Variants in ASAH2 observed in about 807,000 individuals in gnomAD.
ASAH2 encodes neutral ceramidase.
Under a neutral mutation model 82.9 loss-of-function variants are expected in ASAH2, and 58 were observed. The ratio of observed to expected loss-of-function variants is 0.70; its 90% CI spans 0.57 to 0.87. ASAH2 has a LOEUF of 0.87. Among genes scored for constraint, ASAH2 ranks in the 40% least tolerant of loss-of-function variants. ASAH2 has a pLI of 0.00. For synonymous variants in ASAH2, 276 were observed against 289.7 expected, an observed-to-expected ratio of 0.95 and a Z score of 0.48; for missense variants, 779 against 834.0, an observed-to-expected ratio of 0.93 and a Z score of 0.81.
chr10:50,245,304 G>A lies in ASAH2; in HGVS notation c.278C>T (p.Ser93Phe). 1.9e-6 allele frequency: 3 copies of A among 1,614,066 alleles called. No homozygotes were observed. The highest frequency in any genetic ancestry group is 2.5e-6 in the Non-Finnish European group (3 of 1,180,002). Residue 93 changes from serine (S) to phenylalanine (F), a missense_variant, in exon 3 of 21, where the codon TCT becomes TTT. Around this residue, in one of 3 missense-constraint regions of ASAH2, gnomAD observed 759 missense variants for 755.2 expected, o/e 1.00. Transcript: ENST00000682911. ...GCCACTGAAGTTCTGAAATAGAGGAGACTCTGGGGTTAAAGGCACTGGAGA... is the reference window on the plus strand; with the variant it reads ...GCCACTGAAGTTCTGAAATAGAGGAAACTCTGGGGTTAAAGGCACTGGAGA... ...QTSPVPLTPE[S>F]PLFQNFSGYH...
At chr10:50,200,127 C>T (rs1422941982) in intron 16 of ASAH2, among the ~76,000 whole-genome samples, 1 of 151,808 alleles carries the variant, frequency 6.6e-6, no homozygotes, top group Non-Finnish European at 1.5e-5. Context: ...ATCTTAATTA[C>T]ACTATGGCTT....
rs956053553 is a variant in ASAH2 at position 50,245,134 on chromosome 10, T to C, written c.360+88A>G. On this transcript the variant is annotated intron_variant, in intron 3 of 20. Coordinates refer to ENST00000682911, the MANE Select transcript of ASAH2 (RefSeq NM_019893.4). ...AAAAGCTAAAAGAAGATAATGATGA[T>C]GTTGTAATAATCAGAAATGAATGCA... 7 of 1,097,984 alleles carry C rather than the reference T, an allele frequency of 6.4e-6. No individual in the cohort carries two copies. The African/African-American group carries it at 9.4e-5, about 15-fold the overall frequency. 68.0% of individuals were successfully genotyped at this position (1,097,984 alleles called of 1,614,324 possible). A position where few individuals can be genotyped will look rare whatever the true frequency, so the allele number is the denominator to read the frequency against.
At chr10:50,237,513 G>A (rs1435625562) in intron 4 of ASAH2, among the ~76,000 whole-genome samples, 1 of 152,178 alleles carries the variant, frequency 6.6e-6, no homozygotes, top group Non-Finnish European at 1.5e-5. Context: ...ACACACAGAA[G>A]CCTTGAACAA....
At chr10:50,239,375 A>G (rs1017125206) in intron 4 of ASAH2, among the ~76,000 whole-genome samples, 1 of 152,288 alleles carries the variant, frequency 6.6e-6, no homozygotes, top group African/African-American at 2.4e-5. Flanking sequence ...ATGTAAAAAT[A>G]GGAAGAGATA....
chr10:50,204,809 C>T lies in ASAH2; in HGVS notation c.1625+52G>A, dbSNP rs1237713940. On this transcript the variant is annotated intron_variant, in intron 14 of 20. Coordinates refer to ENST00000682911, the MANE Select transcript of ASAH2 (RefSeq NM_019893.4). ...TTTTCATGATAAGAAGCAATTCCAA[C>T]AGAACATACAACAAACACATTTTTA... 4 of 1,333,762 alleles carry T rather than the reference C, an allele frequency of 3.0e-6. No individual in the cohort carries two copies. In the African/African-American group the frequency reaches 5.8e-5, roughly 19 times the overall value. The allele number at this position is 1,333,762 out of a possible 1,614,324, so 82.6% of individuals were successfully genotyped here. A position where few individuals can be genotyped will look rare whatever the true frequency, so the allele number is the denominator to read the frequency against.
Position 50,218,493 on chromosome 10 carries a change from A to G in ASAH2, c.1014+17T>C. The G allele has an allele frequency of 3.1e-6, 5 of 1,613,730 alleles. No homozygotes were observed. In the South Asian group the frequency reaches 3.3e-5, roughly 11 times the overall value. On this transcript the variant is annotated intron_variant, in intron 8 of 20. Coordinates refer to ENST00000682911, the MANE Select transcript of ASAH2 (RefSeq NM_019893.4). ...TCAGTGAATCAAGATGAAGCTTTCAATGATATAAATTCTCACCTGTCCAGG... is the reference window on the plus strand; with the variant it reads ...TCAGTGAATCAAGATGAAGCTTTCAGTGATATAAATTCTCACCTGTCCAGG...
chr10:50,218,187 T>C (rs1015046080), intron 8 of ASAH2, among the ~76,000 whole-genome samples: 3 of 152,104 alleles, frequency 2.0e-5, no homozygotes, highest in Admixed American at 6.6e-5. Flanking sequence ...CAAAAGTAAA[T>C]ATCAACAGTT....
At chr10:50,203,326 GT>G (rs1845206711) in intron 15 of ASAH2, among the ~76,000 whole-genome samples, 1 of 151,898 alleles carries the variant, frequency 6.6e-6, no homozygotes, top group Admixed American at 6.6e-5. Flanking sequence ...TTCCCAAAAT[GT>G]AATACATTTT....
intron 4 of ASAH2, chr10:50,240,405 C>G: frequency 2.9e-6 from 2 of 701,204 alleles, no homozygotes; most frequent in Non-Finnish European, 5.2e-6. Context: ...CTCAGTATCT[C>G]TTTAAAGAAT....
chr10:50,226,848 T>C (rs2133219469), intron 7 of ASAH2, among the ~76,000 whole-genome samples: 1 of 152,256 alleles, frequency 6.6e-6, no homozygotes, highest in South Asian at 2.1e-4. Context: ...AGGAAAATAA[T>C]CTCCACCTTT....
At chr10:50,193,164 G>A (rs1193418270) in intron 18 of ASAH2, among the ~76,000 whole-genome samples, 36 of 144,416 alleles carry the variant, frequency 2.5e-4, no homozygotes, top group African/African-American at 8.3e-4. Context: ...CCCCTGAAAC[G>A]ACTAAAAAAC....
chr10:50,226,735 A>AATT (rs1845895764), intron 7 of ASAH2, among the ~76,000 whole-genome samples: 1 of 152,056 alleles, frequency 6.6e-6, no homozygotes, highest in African/African-American at 2.4e-5. Flanking sequence ...AAATAATAAT[A>AATT]AAGTCTATTG....
At chr10:50,239,746 A>G (rs1846245960) in intron 4 of ASAH2, among the ~76,000 whole-genome samples, 1 of 151,530 alleles carries the variant, frequency 6.6e-6, no homozygotes, top group South Asian at 2.1e-4. Context: ...CATACAAGGC[A>G]CTGACAAGAG....
intron 10 of ASAH2, among the ~76,000 whole-genome samples, chr10:50,211,908 G>A (rs1178997418): frequency 6.6e-6 from 1 of 152,136 alleles, no homozygotes; most frequent in African/African-American, 2.4e-5. Context: ...GCCTTGCTGA[G>A]AAGAGAATGC....
At chr10:50,232,791 C>T (rs1430147141) in intron 7 of ASAH2, among the ~76,000 whole-genome samples, 1 of 152,078 alleles carries the variant, frequency 6.6e-6, no homozygotes, top group Non-Finnish European at 1.5e-5. Flanking sequence ...AATCACTTTC[C>T]TGGTTGGTTA....
chr10:50,247,808 C>T (rs938051096), intron 2 of ASAH2, among the ~76,000 whole-genome samples: 16 of 152,004 alleles, frequency 1.1e-4, no homozygotes, highest in African/African-American at 3.6e-4. Context: ...ATGTAGCCTA[C>T]GTTGTTCTCA....
At chr10:50,198,992 ACACAC>A (rs1845066183) in intron 17 of ASAH2, 54 bp downstream of exon 17, 1 of 334,020 alleles carries the variant, frequency 3.0e-6, no homozygotes, top group African/African-American at 7.0e-5. Flanking sequence ...ATACAGACAT[ACACAC>A]ACACACACAC....
chr10:50,195,959 G>A (rs1341949341), intron 18 of ASAH2, among the ~76,000 whole-genome samples: 1 of 151,640 alleles, frequency 6.6e-6, no homozygotes, highest in African/African-American at 2.4e-5. Context: ...TTAGACAGAG[G>A]GAATAAGTTC....
chr10:50,242,191 A>T (rs900658056), intron 4 of ASAH2, among the ~76,000 whole-genome samples: 14 of 142,412 alleles, frequency 9.8e-5, no homozygotes, highest in Non-Finnish European at 1.6e-4. Flanking sequence ...CAACAAAGCC[A>T]CCTCACTGTT....
Sources: allele counts gnomAD v4.1 joint callset (sites outside exome capture counted in the v4.1 genomes callset), GRCh38; gene constraint gnomAD v4.1.1; regional missense constraint gnomAD v4.1.1; transcripts MANE v1.5; gene names NCBI Gene and HGNC (gene_info 2026-07-23, HGNC 2026-07-21).